GNG12: variants seen among roughly 807,000 people sequenced by gnomAD.
The protein encoded by GNG12 is G protein subunit gamma 12.
For missense variants in GNG12, 69 were observed against 83.8 expected (o/e 0.82, Z 0.69); for synonymous variants, 28 against 29.7 (o/e 0.94, Z 0.19).
chr1:67,729,760 C>T (rs756455298), intron 2 of GNG12, among the ~76,000 whole-genome samples: 5 of 152,210 alleles, frequency 3.3e-5, no homozygotes, highest in Admixed American at 1.3e-4. Flanking sequence ...GCTTTCCATT[C>T]TCCCTCCCCA....
intron 2 of GNG12, among the ~76,000 whole-genome samples, chr1:67,725,934 C>T (rs925719400): frequency 6.6e-6 from 1 of 152,140 alleles, no homozygotes; most frequent in African/African-American, 2.4e-5. Context: ...GCATCACTTA[C>T]AACAAATGAA....
At chr1:67,812,317 T>C (rs1030446709) in intron 1 of GNG12, among the ~76,000 whole-genome samples, 1 of 152,196 alleles carries the variant, frequency 6.6e-6, no homozygotes, top group African/African-American at 2.4e-5. Context: ...GCTCATCTCA[T>C]TGATTTTCTA....
At chr1:67,709,842 GTATATATATTTATATATATATAGT>G (rs1203850970) in intron 2 of GNG12, among the ~76,000 whole-genome samples, 52 of 115,368 alleles carry the variant, frequency 4.5e-4, no homozygotes, top group Middle Eastern at 5.1e-3. Context: ...ATATATATTT[GTATATATATTTATATATATATAGT>G]TATATATATA....
At chr1:67,801,756 C>T (rs957983328) in intron 1 of GNG12, among the ~76,000 whole-genome samples, 6 of 152,090 alleles carry the variant, frequency 3.9e-5, no homozygotes, top group Admixed American at 1.3e-4. Context: ...GAGAAATTAC[C>T]TTTCCTGTAT....
intron 1 of GNG12, 118 bp from the exon 2 acceptor site, chr1:67,777,625 AG>A (rs1354897522): frequency 1.2e-5 from 2 of 166,998 alleles, no homozygotes; most frequent in Non-Finnish European, 2.4e-5. Context: ...AGATGAAAAA[AG>A]CTTTTTCTGG....
chr1:67,720,283 G>T (rs758315606), intron 2 of GNG12, among the ~76,000 whole-genome samples: 9 of 152,214 alleles, frequency 5.9e-5, no homozygotes, highest in Admixed American at 3.9e-4. Context: ...TGGTGAAGGC[G>T]GGCCCATGGG....
chr1:67,822,154 C>T (rs1176737312), intron 1 of GNG12, among the ~76,000 whole-genome samples: 1 of 152,102 alleles, frequency 6.6e-6, no homozygotes, highest in Non-Finnish European at 1.5e-5. Context: ...TCCTGGGCCG[C>T]ATGCGCCCTG....
intron 2 of GNG12, among the ~76,000 whole-genome samples, chr1:67,761,833 ACT>A (rs936309186): frequency 6.6e-6 from 1 of 151,326 alleles, no homozygotes; most frequent in African/African-American, 2.4e-5. Context: ...AATCAGGAAA[ACT>A]CTCTCAGTGA....
intron 2 of GNG12, among the ~76,000 whole-genome samples, chr1:67,768,716 T>G (rs1191664458): frequency 1.3e-5 from 2 of 152,222 alleles, no homozygotes; most frequent in Non-Finnish European, 2.9e-5. Context: ...CGTAACCATG[T>G]TCAAAGTGTC....
At chr1:67,824,307 C>T (rs1646999363) in intron 1 of GNG12, among the ~76,000 whole-genome samples, 1 of 151,788 alleles carries the variant, frequency 6.6e-6, no homozygotes, top group Non-Finnish European at 1.5e-5. Flanking sequence ...TCTAGGAGTT[C>T]GAGACCAGCC....
intron 2 of GNG12, among the ~76,000 whole-genome samples, chr1:67,740,840 G>A (rs1646479363): frequency 6.6e-6 from 1 of 152,176 alleles, no homozygotes; most frequent in South Asian, 2.1e-4. Context: ...CATCGAATCT[G>A]CTAGAGCCTT....
chr1:67,822,772 A>G (rs1479433946), intron 1 of GNG12, among the ~76,000 whole-genome samples: 24 of 151,824 alleles, frequency 1.6e-4, no homozygotes, highest in Admixed American at 1.6e-3. Context: ...GGCTAACTTT[A>G]TACTCAAATT....
At chr1:67,741,721 G>A (rs1364617580) in intron 2 of GNG12, among the ~76,000 whole-genome samples, 1 of 152,202 alleles carries the variant, frequency 6.6e-6, no homozygotes, top group Non-Finnish European at 1.5e-5. Context: ...TAAAGTCTAA[G>A]TCAAAAGTCC....
intron 2 of GNG12, among the ~76,000 whole-genome samples, chr1:67,714,987 A>C (rs1251244530): frequency 6.6e-6 from 1 of 152,126 alleles, no homozygotes; most frequent in Non-Finnish European, 1.5e-5. Flanking sequence ...CAGTGGCGCG[A>C]TCTCGGCTCA....
intron 2 of GNG12, among the ~76,000 whole-genome samples, chr1:67,768,695 G>C (rs1003785097): frequency 4.6e-5 from 7 of 152,212 alleles, no homozygotes; most frequent in African/African-American, 1.7e-4. Context: ...CTGAGACTCA[G>C]AAAGGTTAAC....
At chr1:67,833,167 G>A (rs1299750151) in intron 1 of GNG12, among the ~76,000 whole-genome samples, 177 bp downstream of exon 1, 1 of 124,858 alleles carries the variant, frequency 8.0e-6, no homozygotes, top group Non-Finnish European at 1.7e-5. Flanking sequence ...ACCAGTCCCC[G>A]CCCTCCAGCA....
intron 2 of GNG12, among the ~76,000 whole-genome samples, chr1:67,714,955 T>C (rs1275424854): frequency 1.3e-5 from 2 of 152,146 alleles, no homozygotes; most frequent in Non-Finnish European, 2.9e-5. Context: ...GGAGTTTCAC[T>C]CTTGTTGCCC....
At chr1:67,770,246 G>A (rs1465694650) in intron 2 of GNG12, among the ~76,000 whole-genome samples, 3 of 152,184 alleles carry the variant, frequency 2.0e-5, no homozygotes, top group Non-Finnish European at 4.4e-5. Context: ...AAGATTCTTT[G>A]GTAATGCTCT....
chr1:67,756,303 G>A (rs985711704), intron 2 of GNG12, among the ~76,000 whole-genome samples: 1 of 152,194 alleles, frequency 6.6e-6, no homozygotes, highest in Non-Finnish European at 1.5e-5. Context: ...AGCATGATCA[G>A]GTCTGTAGTT....
Sources: allele counts gnomAD v4.1 joint callset (sites outside exome capture counted in the v4.1 genomes callset), GRCh38; gene constraint gnomAD v4.1.1; transcripts MANE v1.5; gene names NCBI Gene and HGNC (gene_info 2026-07-23, HGNC 2026-07-21).